Variants in KNDC1 observed in about 807,000 individuals in gnomAD.
KNDC1 encodes the protein kinase non-catalytic C-lobe domain containing 1, also known as kinase non-catalytic C-lobe domain-containing protein 1.
Under a neutral mutation model 172.8 loss-of-function variants are expected in KNDC1, and 106 were observed. That is an observed-to-expected ratio of 0.61 (90% CI 0.52 to 0.72). KNDC1 has a LOEUF of 0.72. Among genes scored for constraint, KNDC1 ranks in the 30% least tolerant of loss-of-function variants. The pLI, the probability that KNDC1 is intolerant of heterozygous loss-of-function variation, is 0.00. For synonymous variants in KNDC1, 1,083 were observed against 1,062.2 expected (o/e 1.02, Z -0.38); for missense variants, 2,325 against 2,394.5 (o/e 0.97, Z 0.61).
chr10:133,199,809 C>T (rs913375121), intron 15 of KNDC1, among the ~76,000 whole-genome samples: 7 of 152,318 alleles, frequency 4.6e-5, no homozygotes, highest in Middle Eastern at 3.4e-3. Flanking sequence ...GCTTTCCCAT[C>T]GGACCTGGGT....
intron 25 of KNDC1, 99 bp from the exon 26 acceptor site, chr10:133,213,873 C>G: frequency 1.3e-6 from 2 of 1,516,732 alleles, no homozygotes; most frequent in Non-Finnish European, 1.8e-6. Flanking sequence ...GGAGCGGCCT[C>G]GTGGCCCGAC....
intron 29 of KNDC1, among the ~76,000 whole-genome samples, chr10:133,222,256 C>G (rs1845611763): frequency 6.9e-6 from 1 of 144,542 alleles, no homozygotes; most frequent in South Asian, 2.4e-4. Context: ...GCACTCCAGC[C>G]TGGGCGATAG....
intron 1 of KNDC1, among the ~76,000 whole-genome samples, chr10:133,166,227 T>C (rs963596303): frequency 6.6e-6 from 1 of 151,824 alleles, no homozygotes; most frequent in Non-Finnish European, 1.5e-5. Flanking sequence ...GGGCCAGCGA[T>C]GGGGGAGAAG....
chr10:133,214,150 C>A (rs199574065), intron 26 of KNDC1, 28 bp downstream of exon 26: 5 of 1,611,776 alleles, frequency 3.1e-6, no homozygotes, highest in Non-Finnish European at 4.2e-6. Flanking sequence ...CCGAGGCCAA[C>A]ACGGGGCGTG....
intron 3 of KNDC1, among the ~76,000 whole-genome samples, chr10:133,170,882 C>T (rs1298538319): frequency 4.6e-5 from 7 of 152,184 alleles, no homozygotes; most frequent in African/African-American, 1.4e-4. Context: ...CTCCACTGTC[C>T]GCTCATGAGG....
chr10:133,189,771 T>G lies in KNDC1; in HGVS notation c.1533T>G (p.Phe511Leu). ...TCTTAGGTTCCTATGACTCGTTCTT[T>G]CTGGCTCCCGAGCTGGCAGAGGAGA... ...PPANGSYDSF[F>L]LAPELAEERL... The change falls in exon 9 of 30, where the codon TTT becomes TTG. Residue 511 changes from phenylalanine (F) to leucine (L), a missense_variant. Transcript: ENST00000304613. The G allele has an allele frequency of 1.9e-6, 3 of 1,614,060 alleles. No individual in the cohort carries two copies. The highest frequency in any genetic ancestry group is 2.5e-6 in the Non-Finnish European group (3 of 1,180,008).
chr10:133,211,376 C>G (rs373893803), intron 21 of KNDC1, 46 bp from the exon 22 acceptor site: 298 of 1,587,610 alleles, frequency 1.9e-4, no homozygotes, highest in Non-Finnish European at 2.4e-4. Flanking sequence ...GCCTCTGCCC[C>G]CGACTCCCAC....
Position 133,160,511 on chromosome 10 carries a change from A to T in KNDC1, c.44A>T (p.Asp15Val). Residue 15 changes from aspartate to valine, a missense_variant, in exon 1 of 30, where the codon GAC becomes GTC. Transcript: ENST00000304613. ...GCCGCGGCGGATCTTTACGAGGAGGACGGCAAAGACCTGGACTTCTACGAC... is the reference window on the plus strand; with the variant it reads ...GCCGCGGCGGATCTTTACGAGGAGGTCGGCAAAGACCTGGACTTCTACGAC... Reference protein sequence around the residue: ...DPAAADLYEEDGKDLDFYDFE... With the variant: ...DPAAADLYEEVGKDLDFYDFE... The T allele has an allele frequency of 3.1e-6, 5 of 1,590,674 alleles. No individual in the cohort carries two copies. Among genetic ancestry groups the T allele is most frequent in the Non-Finnish European group, 3.4e-6 (4 of 1,170,464 alleles).
intron 3 of KNDC1, among the ~76,000 whole-genome samples, chr10:133,178,630 CTGAG>C (rs1853627306): frequency 1.3e-5 from 2 of 150,220 alleles, no homozygotes; most frequent in East Asian, 2.0e-4. Context: ...CCCATGCGAT[CTGAG>C]TGAGATCCAC....
intron 3 of KNDC1, among the ~76,000 whole-genome samples, chr10:133,177,533 TAG>T (rs1491250696): frequency 1.8e-5 from 2 of 113,806 alleles, no homozygotes; most frequent in Admixed American, 8.6e-5. Flanking sequence ...TGCATGCACA[TAG>T]TGTGTGTCAT....
chr10:133,166,079 C>T (rs1319442595), intron 1 of KNDC1, among the ~76,000 whole-genome samples: 2 of 152,248 alleles, frequency 1.3e-5, no homozygotes, highest in African/African-American at 4.8e-5. Context: ...CCCTTCATCC[C>T]TTTCCTGTGC....
At chr10:133,217,085 C>T (rs541368062) in intron 26 of KNDC1, among the ~76,000 whole-genome samples, 2 of 152,228 alleles carry the variant, frequency 1.3e-5, no homozygotes, top group Non-Finnish European at 2.9e-5. Flanking sequence ...GATGGAGAGT[C>T]GCAGACATGC....
rs775153063 is a variant in KNDC1 at position 133,224,844 on chromosome 10, G to A, written c.5204G>A (p.Arg1735Gln). 7 of 1,613,914 alleles carry A rather than the reference G, an allele frequency of 4.3e-6. No individual in the cohort carries two copies. Among genetic ancestry groups the A allele is most frequent in the Middle Eastern group, 1.6e-4 (1 of 6,084 alleles). Reference protein sequence around the residue: ...FHQVSSEKHSRKIQDKLRRMK... With the variant: ...FHQVSSEKHSQKIQDKLRRMK... ...CAGGTCTCCAGCGAGAAGCACTCAC[G>A]GAAGATTCAGGACAAGCTACGGAGG... Residue 1735 changes from arginine (R) to glutamine (Q), a missense_variant, in exon 30 of 30, where the codon CGG becomes CAG. Arg to Gln is a conservative substitution (Grantham distance 43). Transcript: ENST00000304613. The surrounding 1 kb of genome is among the most constrained non-coding windows in gnomAD (Gnocchi z 5.4).
intron 1 of KNDC1, chr10:133,167,101 CG>C (rs1184712850): frequency 1.0e-5 from 5 of 496,486 alleles, no homozygotes. Flanking sequence ...CAGCTCTGGC[CG>C]AGCCTCCGGG....
chr10:133,220,026 G>A lies in KNDC1; in HGVS notation c.4932G>A (p.Ser1644=), dbSNP rs1205476825. 2 of 1,555,564 alleles carry A rather than the reference G, an allele frequency of 1.3e-6. No homozygotes were observed. The highest frequency in any genetic ancestry group is 2.4e-5 in the South Asian group (2 of 84,394). The part of the protein sequence containing the change: ...RRFRAQPTLP[S]AHLLAMHIQQ... Reference sequence around the variant, plus strand: ...TCCGGGCGCAGCCCACCCTGCCCTCGGCCCACCTCCTGGCCATGCACATCC... The same window carrying A: ...TCCGGGCGCAGCCCACCCTGCCCTCAGCCCACCTCCTGGCCATGCACATCC... The change falls in exon 29 of 30, where the codon TCG becomes TCA. Residue 1644 remains serine, a synonymous_variant. Coordinates refer to ENST00000304613, the MANE Select transcript of KNDC1 (RefSeq NM_152643.8).
rs911177243 is a variant in KNDC1 at position 133,168,061 on chromosome 10, C to T, written c.302-193C>T. Among the ~76,000 whole-genome samples, 3 of 152,230 alleles carry T rather than the reference C, an allele frequency of 2.0e-5. No homozygotes were observed. The South Asian group carries it at 6.2e-4, about 32-fold the overall frequency. Reference sequence around the variant, plus strand: ...AGTGGTAGAACCCTTCCCTCTTCCACTTTGGAACCCATTTCCCATCATAAC... The same window carrying T: ...AGTGGTAGAACCCTTCCCTCTTCCATTTTGGAACCCATTTCCCATCATAAC... On this transcript the variant is annotated intron_variant, in intron 2 of 29. Coordinates refer to ENST00000304613, the MANE Select transcript of KNDC1 (RefSeq NM_152643.8).
At chr10:133,181,866 CTG>C (rs779280982) in intron 3 of KNDC1, among the ~76,000 whole-genome samples, 173 of 85,506 alleles carry the variant, frequency 2.0e-3, no homozygotes, top group Non-Finnish European at 2.9e-3. Flanking sequence ...ACACACCAGA[CTG>C]TGGAAGTGGA....
At chr10:133,204,603 C>T (rs1050441711) in intron 17 of KNDC1, among the ~76,000 whole-genome samples, 3 of 152,204 alleles carry the variant, frequency 2.0e-5, no homozygotes, top group South Asian at 2.1e-4. Flanking sequence ...ACAGGGACCC[C>T]GTCTCCATGG....
rs774563568 is a variant in KNDC1 at position 133,206,955 on chromosome 10, C to T, written c.3579+2C>T. 2 of 1,613,356 alleles carry T rather than the reference C, an allele frequency of 1.2e-6. No individual in the cohort carries two copies. The highest frequency in any genetic ancestry group is 2.7e-5 in the African/African-American group (2 of 74,934). Reference sequence around the variant, plus strand: ...AGCTTGGTCAAGAAGTATCTGCAGGCAAGTGGGCTCCGGGCCCCGCTCTGC... The same window carrying T: ...AGCTTGGTCAAGAAGTATCTGCAGGTAAGTGGGCTCCGGGCCCCGCTCTGC... On this transcript the variant is annotated splice_donor_variant, in intron 19 of 29. Coordinates refer to ENST00000304613, the MANE Select transcript of KNDC1 (RefSeq NM_152643.8). LOFTEE classifies it low-confidence loss of function (GC_TO_GT_DONOR).
Sources: gnomAD v4.1 joint callset for allele counts (sites outside exome capture counted in the v4.1 genomes callset) on GRCh38, gnomAD v4.1.1 for gene constraint, Gnocchi (gnomAD v3.1) non-coding constraint, MANE v1.5 for transcripts, NCBI Gene and HGNC (gene_info 2026-07-23, HGNC 2026-07-21) for gene names.